Variants in ITPK1 observed in about 807,000 individuals in gnomAD.
ITPK1 encodes the protein inositol-tetrakisphosphate 1-kinase, also known as inositol 1,3,4-trisphosphate 5/6-kinase.
A neutral mutation model predicts 45.3 loss-of-function variants in ITPK1; 21 were observed. The observed-to-expected ratio is 0.46, with a 90% CI of 0.33 to 0.67. The LOEUF (loss-of-function observed/expected upper bound fraction) is 0.67. ITPK1 is among the 30% of genes least tolerant of loss of function. The pLI is 0.02. For missense variants in ITPK1, 474 were observed against 573.5 expected, an observed-to-expected ratio of 0.83 and a Z score of 1.77; for synonymous variants, 258 against 253.6, an observed-to-expected ratio of 1.02 and a Z score of -0.16.
intron 4 of ITPK1, among the ~76,000 whole-genome samples, chr14:93,000,007 G>A (rs1026364484): frequency 2.0e-5 from 3 of 152,204 alleles, no homozygotes; most frequent in Non-Finnish European, 4.4e-5. Context: ...GTGATGTGTG[G>A]TCCTTCATGA....
intron 3 of ITPK1, among the ~76,000 whole-genome samples, chr14:93,074,505 G>A (rs1335667848): frequency 6.6e-6 from 1 of 152,236 alleles, no homozygotes; most frequent in African/African-American, 2.4e-5. Context: ...GTATGGACAG[G>A]ATCAGGCATG....
At chr14:93,066,132 G>A (rs924031140) in intron 3 of ITPK1, 11 of 356,452 alleles carry the variant, frequency 3.1e-5, no homozygotes, top group Non-Finnish European at 6.3e-5. Flanking sequence ...ACAGACCCTC[G>A]AGGCCTGGCC....
chr14:92,993,946 T>C lies in ITPK1; in HGVS notation c.298A>G (p.Ile100Val). Residue 100 changes from isoleucine (I) to valine (V), a missense_variant, in exon 5 of 11, where the codon ATC becomes GTC. By Grantham distance (29) the Ile-to-Val change is conservative (BLOSUM62 3). Coordinates refer to ENST00000267615, the MANE Select transcript of ITPK1 (RefSeq NM_014216.6). ...TTGGAGCGGTCAAGCAGGGTTCTGA[T>C]GGCAGGGAGCGGGTCCAGGACGATG... is the stretch of plus-strand genomic sequence containing the variant. ...ETIVLDPLPAIRTLLDRSKSY... is the reference protein window; with the variant it reads ...ETIVLDPLPAVRTLLDRSKSY... 1 of 1,614,038 alleles carries C rather than the reference T, an allele frequency of 6.2e-7. No individual in the cohort carries two copies. The highest frequency in any genetic ancestry group is 8.5e-7 in the Non-Finnish European group (1 of 1,179,968).
chr14:92,988,800 G>A (rs1250126446), intron 5 of ITPK1, among the ~76,000 whole-genome samples: 2 of 152,148 alleles, frequency 1.3e-5, no homozygotes, highest in South Asian at 2.1e-4. Context: ...CCTCTAAATC[G>A]GAGATGAAAT....
intron 4 of ITPK1, among the ~76,000 whole-genome samples, chr14:93,009,622 G>C (rs1440968396): frequency 6.6e-6 from 1 of 152,338 alleles, no homozygotes; most frequent in South Asian, 2.1e-4. Flanking sequence ...TCCACCACAG[G>C]AGGAGTCGCC....
chr14:93,031,929 C>G (rs1889081853), intron 3 of ITPK1, among the ~76,000 whole-genome samples: 1 of 152,244 alleles, frequency 6.6e-6, no homozygotes, highest in South Asian at 2.1e-4. Flanking sequence ...AACTCTGACT[C>G]AAACTCCTAC....
chr14:93,102,645 G>A (rs1427894338), intron 2 of ITPK1, among the ~76,000 whole-genome samples: 1 of 151,942 alleles, frequency 6.6e-6, no homozygotes, highest in Non-Finnish European at 1.5e-5. Context: ...GACAGAGCAA[G>A]ACTAACAAAA....
Position 93,076,197 on chromosome 14 carries a change from C to CT in ITPK1, c.120+397dup, listed in dbSNP as rs1891211928. On this transcript the variant is annotated intron_variant, in intron 3 of 10. Transcript: ENST00000267615. This position sits in a 1 kb window ranked among gnomAD's most constrained non-coding sequence, Gnocchi z 4.3. The stretch of plus-strand genomic sequence containing the variant: ...CTTCCTTCTTCTTCCATCCATCCTT[C>CT]TTTTTCTAGTTAATGAGCACCTGAA... 6.6e-6 allele frequency among the ~76,000 whole-genome samples: 1 copy of CT among 152,002 alleles called. No homozygotes were observed. Among genetic ancestry groups the CT allele is most frequent in the South Asian group, 2.1e-4 (1 of 4,808 alleles).
intron 2 of ITPK1, among the ~76,000 whole-genome samples, chr14:93,084,948 C>T (rs886980045): frequency 1.3e-5 from 2 of 152,162 alleles, no homozygotes; most frequent in African/African-American, 2.4e-5. Context: ...CAGCATCAGA[C>T]CATGAGCCCC....
Position 92,952,034 on chromosome 14 carries a change from A to C in ITPK1, c.671-21T>G, listed in dbSNP as rs777107491. 1.9e-6 allele frequency: 3 copies of C among 1,554,710 alleles called. No homozygotes were observed. In the East Asian group the frequency reaches 7.2e-5, roughly 37 times the overall value. On this transcript the variant is annotated intron_variant, in intron 8 of 10. Transcript: ENST00000267615. ...ACGGTCTGAAAAAGCGACAGGAAGG[A>C]GCCGGCGTTAGAACCTCAATGCAGG...
intron 2 of ITPK1, among the ~76,000 whole-genome samples, chr14:93,099,618 C>A (rs1251489635): frequency 6.6e-6 from 1 of 152,166 alleles, no homozygotes; most frequent in East Asian, 1.9e-4. Flanking sequence ...GTCGGGCTGG[C>A]CGTGGGAATA....
At position 92,941,062 on chromosome 14, in the gene ITPK1, A is replaced by G. The variant is rs1162935939; in HGVS notation, c.*499T>C. 2.5e-6 allele frequency: 3 copies of G among 1,205,714 alleles called. No homozygotes were observed. Among genetic ancestry groups the G allele is most frequent in the African/African-American group, 3.2e-5 (2 of 62,956 alleles). The allele number at this position is 1,205,714 out of a possible 1,614,324, so 74.7% of individuals were successfully genotyped here. On this transcript the variant is annotated 3_prime_UTR_variant, in exon 11 of 11. Coordinates refer to ENST00000267615, the MANE Select transcript of ITPK1 (RefSeq NM_014216.6). ...GGGGGCTAACAAAGCCTTGGTGGAGACCAGTAGGAGGAAAAACAAGGAAGG... is the reference window on the plus strand; with the variant it reads ...GGGGGCTAACAAAGCCTTGGTGGAGGCCAGTAGGAGGAAAAACAAGGAAGG...
chr14:93,015,938 C>T (rs1373215536), intron 4 of ITPK1, among the ~76,000 whole-genome samples: 3 of 152,242 alleles, frequency 2.0e-5, no homozygotes, highest in African/African-American at 7.2e-5. Context: ...CAGGCATCCC[C>T]ATCCCACTAG....
At chr14:92,988,195 C>G (rs1467045439) in intron 5 of ITPK1, among the ~76,000 whole-genome samples, 3 of 152,232 alleles carry the variant, frequency 2.0e-5, no homozygotes, top group East Asian at 3.9e-4. Context: ...TCCCTCATTC[C>G]AGACCCTTCG....
intron 3 of ITPK1, among the ~76,000 whole-genome samples, chr14:93,072,626 T>G (rs954824140): frequency 6.6e-6 from 1 of 151,654 alleles, no homozygotes; most frequent in Non-Finnish European, 1.5e-5. Flanking sequence ...TTTTTTTTTT[T>G]TTTTTTGAGA....
intron 2 of ITPK1, among the ~76,000 whole-genome samples, chr14:93,094,406 G>C (rs1027495734): frequency 1.3e-5 from 2 of 152,182 alleles, no homozygotes; most frequent in African/African-American, 4.8e-5. Context: ...GTCTCCCCCA[G>C]ACCAGCAAGC....
chr14:92,997,623 T>C (rs549408161), intron 4 of ITPK1, among the ~76,000 whole-genome samples: 2 of 152,258 alleles, frequency 1.3e-5, no homozygotes, highest in Admixed American at 1.3e-4. Context: ...ATCTGCTGGG[T>C]GGGTGAGCTT....
Position 92,940,732 on chromosome 14 carries a change from CA to C in ITPK1, c.*828del. On this transcript the variant is annotated 3_prime_UTR_variant, in exon 11 of 11. Coordinates refer to ENST00000267615, the MANE Select transcript of ITPK1 (RefSeq NM_014216.6). ...CACTAGAGACAAGGGGGTGGAGGCC[CA>C]AAGACCTGGAATGATTTGCCCAAAT... 5 of 1,289,062 alleles carry C rather than the reference CA, an allele frequency of 3.9e-6. No individual in the cohort carries two copies. Among genetic ancestry groups the C allele is most frequent in the Non-Finnish European group, 5.1e-6 (5 of 988,696 alleles). The allele number at this position is 1,289,062 out of a possible 1,614,324, so 79.9% of individuals were successfully genotyped here.
At position 93,016,643 on chromosome 14, in the gene ITPK1, G is replaced by A. The variant is rs188131557; in HGVS notation, c.246+33C>T. ...GGCCTCCCCTCCTCCTCCTGAAAAT[G>A]CCACAGCCAAGGGCTGCATGGTCCT... On this transcript the variant is annotated intron_variant, in intron 4 of 10. Transcript: ENST00000267615. The surrounding 1 kb of genome is among the most constrained non-coding windows in gnomAD (Gnocchi z 5.0). 3.7e-6 allele frequency: 6 copies of A among 1,606,032 alleles called. No homozygotes were observed. The East Asian group carries it at 9.0e-5, about 24-fold the overall frequency.
Sources: allele counts gnomAD v4.1 joint callset (sites outside exome capture counted in the v4.1 genomes callset), GRCh38; gene constraint gnomAD v4.1.1; non-coding constraint Gnocchi (gnomAD v3.1); transcripts MANE v1.5; gene names NCBI Gene and HGNC (gene_info 2026-07-23, HGNC 2026-07-21).